The following ACAP2 variants were observed in gnomAD, a reference collection of about 807,000 sequenced individuals.
The protein encoded by ACAP2 is ArfGAP with coiled-coil, ankyrin repeat and PH domains 2.
Under a neutral mutation model 115.8 loss-of-function variants are expected in ACAP2, and 39 were observed. The observed-to-expected ratio is 0.34, with a 90% confidence interval of 0.26 to 0.44. The LOEUF (loss-of-function observed/expected upper bound fraction) is 0.44, where lower values mean the gene tolerates loss of function less well. Among genes scored for constraint, ACAP2 ranks in the 20% least tolerant of loss-of-function variants. The pLI is 1.00. For synonymous variants in ACAP2, 289 were observed against 315.8 expected, an observed-to-expected ratio of 0.92 and a Z score of 0.90; for missense variants, 662 against 927.6, an observed-to-expected ratio of 0.71 and a Z score of 3.72.
chr3:195,391,776 C>T (rs1178126958), intron 2 of ACAP2, among the ~76,000 whole-genome samples: 1 of 152,046 alleles, frequency 6.6e-6, no homozygotes, highest in Non-Finnish European at 1.5e-5. Context: ...AGGTGGATCA[C>T]CTGAGGTTAG....
intron 4 of ACAP2, among the ~76,000 whole-genome samples, chr3:195,370,670 G>C (rs1413666874): frequency 1.3e-5 from 2 of 152,090 alleles, no homozygotes; most frequent in Non-Finnish European, 2.9e-5. Context: ...TGAAGTCTGG[G>C]CCAGGTGTGG....
At chr3:195,298,322 C>A (rs1021782847) in intron 15 of ACAP2, among the ~76,000 whole-genome samples, 1 of 138,878 alleles carries the variant, frequency 7.2e-6, no homozygotes, top group African/African-American at 2.7e-5. Context: ...GTGGCATGAT[C>A]TTGGCCCACT....
intron 1 of ACAP2, 42 bp downstream of exon 1, chr3:195,442,753 G>A (rs1025300170): frequency 2.0e-6 from 3 of 1,524,604 alleles, no homozygotes; most frequent in Admixed American, 2.1e-5. Flanking sequence ...CCAGCGCCGG[G>A]AAGGCAGCTC....
chr3:195,302,020 C>A lies in ACAP2; in HGVS notation c.1271G>T (p.Trp424Leu). ...CCDCGLADPR[W>L]ASINLGITLC... ...GGTGATGCCCAGGTTGATGCTGGCC[C>A]ACCGTGGATCTGCCAGGCCACAGTC... The change falls in exon 14 of 23, where the codon TGG becomes TTG. Residue 424 changes from tryptophan (W) to leucine (L), a missense_variant. Physicochemically the swap from Trp to Leu is moderately conservative, Grantham distance 61 (BLOSUM62 -2). Coordinates refer to ENST00000326793, the MANE Select transcript of ACAP2 (RefSeq NM_012287.6). The A allele has an allele frequency of 6.2e-7, 1 of 1,613,956 alleles. No individual in the cohort carries two copies. Among genetic ancestry groups the A allele is most frequent in the Non-Finnish European group, 8.5e-7 (1 of 1,180,032 alleles).
At chr3:195,317,022 C>A (rs752777231) in intron 10 of ACAP2, among the ~76,000 whole-genome samples, 1 of 149,800 alleles carries the variant, frequency 6.7e-6, no homozygotes, top group Non-Finnish European at 1.5e-5. Context: ...CTCAGCCTGC[C>A]GAGTAGCTGG....
At chr3:195,375,535 G>C (rs1288513830) in intron 4 of ACAP2, among the ~76,000 whole-genome samples, 1 of 150,404 alleles carries the variant, frequency 6.6e-6, no homozygotes, top group African/African-American at 2.4e-5. Context: ...ATACTGGCCA[G>C]GCACAGTGGC....
chr3:195,377,567 G>A (rs1196202949), intron 4 of ACAP2, among the ~76,000 whole-genome samples: 6 of 152,110 alleles, frequency 3.9e-5, no homozygotes, highest in African/African-American at 7.2e-5. Context: ...TCTAATTAAC[G>A]TGAAGTATAA....
chr3:195,295,161 A>G, intron 17 of ACAP2: 2 of 1,199,590 alleles, frequency 1.7e-6, no homozygotes, highest in Non-Finnish European at 2.2e-6. Context: ...GACCACTGGC[A>G]CAGACTTGGA....
chr3:195,330,304 T>C lies in ACAP2; in HGVS notation c.669+2724A>G, dbSNP rs574693390. Among the ~76,000 whole-genome samples the C allele has an allele frequency of 4.6e-5, 7 of 152,260 alleles. No individual in the cohort carries two copies. The South Asian group carries it at 1.4e-3, about 32-fold the overall frequency. ...TTATCTACTAATTATGAAAAGAATA[T>C]CGTAATTGGCCACCTCCAACCCGGC... On this transcript the variant is annotated intron_variant, in intron 8 of 22. Coordinates refer to ENST00000326793, the MANE Select transcript of ACAP2 (RefSeq NM_012287.6).
intron 18 of ACAP2, 78 bp downstream of exon 18, chr3:195,294,627 ATATAATTTTTTTTT>A: frequency 9.8e-6 from 2 of 204,958 alleles, no homozygotes; most frequent in Non-Finnish European, 1.9e-5. Flanking sequence ...ATATATATAT[ATATAATTTTTTTTT>A]TAATCAAAGG....
chr3:195,311,312 G>A (rs958694278), intron 10 of ACAP2, among the ~76,000 whole-genome samples: 2 of 151,934 alleles, frequency 1.3e-5, no homozygotes, highest in Admixed American at 6.6e-5. Context: ...GGCCAGGCTG[G>A]TCTCTAACTC....
At chr3:195,311,734 G>C (rs1577280024) in intron 10 of ACAP2, among the ~76,000 whole-genome samples, 1 of 150,078 alleles carries the variant, frequency 6.7e-6, no homozygotes, top group African/African-American at 2.5e-5. Flanking sequence ...ACGGGGTTTC[G>C]CCATGTTGGC....
intron 4 of ACAP2, among the ~76,000 whole-genome samples, chr3:195,355,834 T>C (rs940400877): frequency 1.3e-5 from 2 of 152,256 alleles, no homozygotes; most frequent in Non-Finnish European, 2.9e-5. Flanking sequence ...GCTCTAAGTA[T>C]ACATTTTGTA....
At chr3:195,364,368 G>A (rs756520817) in intron 4 of ACAP2, among the ~76,000 whole-genome samples, 3 of 152,076 alleles carry the variant, frequency 2.0e-5, no homozygotes, top group South Asian at 2.1e-4. Flanking sequence ...ATCAGCGAAC[G>A]CAAATCAAAA....
rs561816425 is a variant in ACAP2 at position 195,370,161 on chromosome 3, G to A, written c.285+10848C>T. Among the ~76,000 whole-genome samples the A allele has an allele frequency of 4.1e-4, 63 of 152,156 alleles. No individual in the cohort carries two copies. The Middle Eastern group carries it at 0.017, about 41-fold the overall frequency. On this transcript the variant is annotated intron_variant, in intron 4 of 22. Transcript: ENST00000326793. ...AGATTCTGGATATTAGAGCATTGTCGGATGAGTAGTTTGCAAATATTTTCT... is the reference window on the plus strand; with the variant it reads ...AGATTCTGGATATTAGAGCATTGTCAGATGAGTAGTTTGCAAATATTTTCT...
rs1366640624 is a variant in ACAP2 at position 195,276,165 on chromosome 3, G to A, written c.*3163C>T. On this transcript the variant is annotated 3_prime_UTR_variant, in exon 23 of 23. Coordinates refer to ENST00000326793, the MANE Select transcript of ACAP2 (RefSeq NM_012287.6). ...TATTTTTAAAATACAAACTTAAATT[G>A]GCCAGATTCTGAATGTGTACTTTTT... 6.6e-6 allele frequency: 1 copy of A among 152,508 alleles called. No individual in the cohort carries two copies. The highest frequency in any genetic ancestry group is 1.5e-5 in the Non-Finnish European group (1 of 68,018). 9.4% of individuals were successfully genotyped at this position (152,508 alleles called of 1,614,324 possible). A position where few individuals can be genotyped will look rare whatever the true frequency, so the allele number is the denominator to read the frequency against.
Position 195,320,819 on chromosome 3 carries a change from C to T in ACAP2, c.745-6G>A, listed in dbSNP as rs775997885. 6.3e-7 allele frequency: 1 copy of T among 1,587,264 alleles called. No homozygotes were observed. The highest frequency in any genetic ancestry group is 2.2e-5 in the East Asian group (1 of 44,642). On this transcript the variant is annotated splice_region_variant and splice_polypyrimidine_tract_variant and intron_variant, in intron 9 of 22. Transcript: ENST00000326793. ...GAATCATCACTGGAGAAATCCTACA[C>T]AAAATAACACATAAAGAAGTTCATA...
intron 10 of ACAP2, among the ~76,000 whole-genome samples, chr3:195,315,001 G>A (rs1046444088): frequency 1.3e-5 from 2 of 152,118 alleles, no homozygotes; most frequent in East Asian, 1.9e-4. Flanking sequence ...AAAGACTTTA[G>A]TCACAAGGTT....
At chr3:195,353,601 G>A (rs1245479277) in intron 4 of ACAP2, among the ~76,000 whole-genome samples, 3 of 152,116 alleles carry the variant, frequency 2.0e-5, no homozygotes, top group South Asian at 2.1e-4. Context: ...AGGGAAGAAG[G>A]GAGAGAAACA....
Sources: gnomAD v4.1 joint callset for allele counts (sites outside exome capture counted in the v4.1 genomes callset) on GRCh38, gnomAD v4.1.1 for gene constraint, MANE v1.5 for transcripts, NCBI Gene and HGNC (gene_info 2026-07-23, HGNC 2026-07-21) for gene names.